Variants in POU6F2 observed in about 807,000 individuals in gnomAD.
POU6F2 encodes POU class 6 homeobox 2, also known as POU domain, class 6, transcription factor 2.
POU6F2 carries 31 observed loss-of-function variants against 71.3 expected under a neutral mutation model. That is an observed-to-expected ratio of 0.43 (90% confidence interval 0.33 to 0.59). POU6F2 has a LOEUF of 0.59. POU6F2 is among the 20% of genes least tolerant of loss of function. POU6F2 has a pLI of 0.04. For synonymous variants in POU6F2, 347 were observed against 355.7 expected, an observed-to-expected ratio of 0.98 and a Z score of 0.27; for missense variants, 783 against 856.8, an observed-to-expected ratio of 0.91 and a Z score of 1.07.
At chr7:39,351,320 C>T (rs1033111270) in intron 5 of POU6F2, among the ~76,000 whole-genome samples, 3 of 152,160 alleles carry the variant, frequency 2.0e-5, no homozygotes, top group Non-Finnish European at 4.4e-5. Flanking sequence ...TCTACCCCTC[C>T]CCAGATTCAC....
chr7:39,012,811 G>A (rs1323599977), intron 1 of POU6F2, among the ~76,000 whole-genome samples: 1 of 144,388 alleles, frequency 6.9e-6, no homozygotes. Context: ...GCCCCTGCTG[G>A]GGGGTGCCTC....
At position 39,460,206 on chromosome 7, in the gene POU6F2, T is replaced by C. The variant is rs979553398; in HGVS notation, c.1490-341T>C. ...TTTGCACAATATTTGAACATACTTATGGGCAAAATGGAGTCGCATTCCCAT... is the reference window on the plus strand; with the variant it reads ...TTTGCACAATATTTGAACATACTTACGGGCAAAATGGAGTCGCATTCCCAT... On this transcript the variant is annotated intron_variant, in intron 8 of 9. Coordinates refer to ENST00000518318, the MANE Select transcript of POU6F2 (RefSeq NM_001370959.1). This position sits in a 1 kb window ranked among gnomAD's most constrained non-coding sequence, Gnocchi z 4.4. Among the ~76,000 whole-genome samples the C allele has an allele frequency of 2.0e-5, 3 of 152,234 alleles. No homozygotes were observed. The highest frequency in any genetic ancestry group is 7.2e-5 in the African/African-American group (3 of 41,462).
intron 2 of POU6F2, among the ~76,000 whole-genome samples, chr7:39,095,498 GC>G (rs1198250416): frequency 6.6e-6 from 1 of 152,174 alleles, no homozygotes; most frequent in Admixed American, 6.5e-5. Context: ...GGTTGCAGTA[GC>G]CTAGAATGGT....
At chr7:39,154,864 T>C (rs1792837316) in intron 2 of POU6F2, among the ~76,000 whole-genome samples, 1 of 152,308 alleles carries the variant, frequency 6.6e-6, no homozygotes, top group African/African-American at 2.4e-5. Context: ...AGAAGGTGGC[T>C]GTGTTTCTGT....
chr7:39,284,086 C>T (rs1784611503), intron 4 of POU6F2, among the ~76,000 whole-genome samples: 1 of 152,084 alleles, frequency 6.6e-6, no homozygotes, highest in Non-Finnish European at 1.5e-5. Flanking sequence ...TATCAAGATC[C>T]TATGGTCTAG....
chr7:39,007,061 T>A (rs764224880), intron 1 of POU6F2, among the ~76,000 whole-genome samples: 1 of 152,232 alleles, frequency 6.6e-6, no homozygotes, highest in Non-Finnish European at 1.5e-5. Context: ...TATTCCTTAA[T>A]TCATAAGCTG....
At chr7:39,062,700 G>T (rs1790681586) in intron 1 of POU6F2, among the ~76,000 whole-genome samples, 1 of 149,110 alleles carries the variant, frequency 6.7e-6, no homozygotes, top group Non-Finnish European at 1.5e-5. Context: ...ATAATCATTA[G>T]TGTGACAGTG....
At chr7:39,299,240 A>C (rs1049038925) in intron 4 of POU6F2, among the ~76,000 whole-genome samples, 3 of 152,298 alleles carry the variant, frequency 2.0e-5, no homozygotes, top group African/African-American at 7.2e-5. Flanking sequence ...CCTGCTTTTG[A>C]AGTCGGGCCA....
At chr7:39,250,613 G>T (rs1171233699) in intron 4 of POU6F2, among the ~76,000 whole-genome samples, 1 of 152,126 alleles carries the variant, frequency 6.6e-6, no homozygotes, top group East Asian at 1.9e-4. Context: ...TCAAGATTTT[G>T]CCAGTGGAAA....
chr7:39,128,428 C>G (rs1792188617), intron 2 of POU6F2, among the ~76,000 whole-genome samples: 1 of 152,104 alleles, frequency 6.6e-6, no homozygotes, highest in Admixed American at 6.5e-5. Flanking sequence ...TAGGGTGGTG[C>G]AGAGCTAGGC....
Position 39,085,967 on chromosome 7 carries a change from G to A in POU6F2, c.213G>A (p.Leu71=), listed in dbSNP as rs769758781. The A allele has an allele frequency of 3.1e-6, 5 of 1,613,800 alleles. No homozygotes were observed. The highest frequency in any genetic ancestry group is 1.7e-5 in the Admixed American group (1 of 59,980). Residue 71 remains leucine, a synonymous_variant, in exon 2 of 10, where the codon CTG becomes CTA. Transcript: ENST00000518318. Reference sequence around the variant, plus strand: ...AGGCTGCTACTTCAGACAGCGAGCTGAATGAGCCCCTGCTTGCGCCTGTGG... The same window carrying A: ...AGGCTGCTACTTCAGACAGCGAGCTAAATGAGCCCCTGCTTGCGCCTGTGG... ...EDKAATSDSE[L]NEPLLAPVES...
intron 6 of POU6F2, among the ~76,000 whole-genome samples, chr7:39,420,288 A>C (rs563328721): frequency 1.3e-5 from 2 of 152,370 alleles, no homozygotes; most frequent in East Asian, 3.9e-4. Context: ...CATTACTGAA[A>C]GAAAGAATGT....
intron 1 of POU6F2, among the ~76,000 whole-genome samples, chr7:39,015,867 T>TAA (rs1789498221): frequency 4.3e-5 from 3 of 69,706 alleles, no homozygotes; most frequent in African/African-American, 5.9e-5. Context: ...ATATAATATA[T>TAA]TATATATAGA....
intron 2 of POU6F2, among the ~76,000 whole-genome samples, chr7:39,137,544 T>G (rs1254137772): frequency 1.3e-5 from 2 of 152,228 alleles, no homozygotes; most frequent in Non-Finnish European, 2.9e-5. Context: ...TTGTTAACAG[T>G]GATTACTTAG....
intron 4 of POU6F2, among the ~76,000 whole-genome samples, chr7:39,332,099 G>A (rs1785667062): frequency 6.6e-6 from 1 of 152,136 alleles, no homozygotes; most frequent in Non-Finnish European, 1.5e-5. Flanking sequence ...GAAGCTCAAT[G>A]ACTTCTTGTT....
chr7:38,981,983 A>G (rs990665910), intron 1 of POU6F2, among the ~76,000 whole-genome samples: 6 of 152,212 alleles, frequency 3.9e-5, no homozygotes, highest in African/African-American at 1.4e-4. Context: ...TTGTTCCAAA[A>G]AGTATTTAAT....
intron 4 of POU6F2, among the ~76,000 whole-genome samples, chr7:39,331,316 G>A (rs1785643416): frequency 6.6e-6 from 1 of 152,158 alleles, no homozygotes; most frequent in Admixed American, 6.5e-5. Flanking sequence ...AGATTATATA[G>A]TAGTTCCATT....
At chr7:39,367,718 T>G (rs1219416368) in intron 5 of POU6F2, among the ~76,000 whole-genome samples, 1 of 152,168 alleles carries the variant, frequency 6.6e-6, no homozygotes, top group East Asian at 1.9e-4. Context: ...AATTGAAGGT[T>G]TGTGGCAACC....
intron 4 of POU6F2, among the ~76,000 whole-genome samples, chr7:39,228,839 A>G (rs1794520981): frequency 6.6e-6 from 1 of 152,180 alleles, no homozygotes; most frequent in African/African-American, 2.4e-5. Flanking sequence ...AATAGCTGCT[A>G]AACCTGGGAC....
Sources: allele counts gnomAD v4.1 joint callset (sites outside exome capture counted in the v4.1 genomes callset), GRCh38; gene constraint gnomAD v4.1.1; non-coding constraint Gnocchi (gnomAD v3.1); transcripts MANE v1.5; gene names NCBI Gene and HGNC (gene_info 2026-07-23, HGNC 2026-07-21).